ATF7: variants seen among roughly 807,000 people sequenced by gnomAD.
ATF7 encodes the protein activating transcription factor 7.
ATF7 carries 10 observed loss-of-function variants against 50.4 expected under a neutral mutation model. That is an observed-to-expected ratio of 0.20 (90% confidence interval 0.12 to 0.34). The LOEUF (loss-of-function observed/expected upper bound fraction) is 0.34. Ranked by LOEUF, ATF7 falls within the 10% of genes least tolerant of loss-of-function variation. ATF7 has a pLI of 1.00. For missense variants in ATF7, 465 were observed against 613.9 expected, an observed-to-expected ratio of 0.76 and a Z score of 2.56; for synonymous variants, 201 against 226.4, an observed-to-expected ratio of 0.89 and a Z score of 1.01.
chr12:53,582,008 C>T lies in ATF7; in HGVS notation c.48+18945G>A, dbSNP rs1008599418. ...TATGGTGGTGCTCAGGAGGCTGAGG[C>T]GGGAAAATCATTTGAACTGAGGAGT... On this transcript the variant is annotated intron_variant, in intron 2 of 11. Transcript: ENST00000420353. 1.1e-4 allele frequency among the ~76,000 whole-genome samples: 16 copies of T among 151,574 alleles called. No individual in the cohort carries two copies. In the East Asian group the frequency reaches 1.6e-3, roughly 15 times the overall value.
At chr12:53,539,211 T>C (rs992836395) in intron 4 of ATF7, among the ~76,000 whole-genome samples, 5 of 152,180 alleles carry the variant, frequency 3.3e-5, no homozygotes, top group Non-Finnish European at 7.4e-5. Context: ...TGAGCTAAAA[T>C]GGCAATGAAA....
chr12:53,616,868 C>G (rs1380432481), intron 1 of ATF7, among the ~76,000 whole-genome samples: 1 of 146,648 alleles, frequency 6.8e-6, no homozygotes, highest in Non-Finnish European at 1.5e-5. Context: ...CTGCTTGAAC[C>G]TGGGAGGCGG....
intron 3 of ATF7, among the ~76,000 whole-genome samples, chr12:53,546,196 A>AAAACAAACAAAC (rs148932395): frequency 7.9e-5 from 12 of 151,478 alleles, no homozygotes; most frequent in African/African-American, 2.7e-4. Flanking sequence ...CCATCTCAAA[A>AAAACAAACAAAC]AAACAAACAA....
At chr12:53,619,265 G>A (rs897775988) in intron 1 of ATF7, among the ~76,000 whole-genome samples, 1 of 150,766 alleles carries the variant, frequency 6.6e-6, no homozygotes, top group Non-Finnish European at 1.5e-5. Flanking sequence ...CCAGGTGGGC[G>A]CATCAACTGA....
Position 53,513,196 on chromosome 12 carries a change from C to G in ATF7, c.*3941G>C, listed in dbSNP as rs1178963024. 1.3e-5 allele frequency: 2 copies of G among 152,200 alleles called. No homozygotes were observed. The highest frequency in any genetic ancestry group is 4.8e-5 in the African/African-American group (2 of 41,442). The allele number at this position is 152,200 out of a possible 1,614,324, so 9.4% of individuals were successfully genotyped here. A position where few individuals can be genotyped will look rare whatever the true frequency, so the allele number is the denominator to read the frequency against. ...TTTAACCTGCCCTACTCTCCCCAGC[C>G]TTTTCTCATTCTGGGGTAGGACTTT... is the stretch of plus-strand genomic sequence containing the variant. On this transcript the variant is annotated 3_prime_UTR_variant, in exon 12 of 12. Transcript: ENST00000420353.
chr12:53,514,071 C>CT lies in ATF7; in HGVS notation c.*3065dup, dbSNP rs934718061. The CT allele has an allele frequency of 4.0e-5, 6 of 151,486 alleles. No individual in the cohort carries two copies. Among genetic ancestry groups the CT allele is most frequent in the Admixed American group, 1.3e-4 (2 of 15,192 alleles). 9.4% of individuals were successfully genotyped at this position (151,486 alleles called of 1,614,324 possible). A position where few individuals can be genotyped will look rare whatever the true frequency, so the allele number is the denominator to read the frequency against. On this transcript the variant is annotated 3_prime_UTR_variant, in exon 12 of 12. Transcript: ENST00000420353. Reference sequence around the variant, plus strand: ...AAAAGAGTAAGTAAAGGGGGCATGACTTTTTTTTTGTTGGCCTCTCTAGTA... The same window carrying CT: ...AAAAGAGTAAGTAAAGGGGGCATGACTTTTTTTTTTGTTGGCCTCTCTAGTA...
At chr12:53,616,835 C>T (rs1944144846) in intron 1 of ATF7, among the ~76,000 whole-genome samples, 4 of 150,814 alleles carry the variant, frequency 2.7e-5, no homozygotes, top group African/African-American at 7.3e-5. Context: ...ATCCCAGCTA[C>T]TCAGGAGGCT....
At chr12:53,520,838 C>T (rs1250311550) in intron 11 of ATF7, among the ~76,000 whole-genome samples, 2 of 152,108 alleles carry the variant, frequency 1.3e-5, no homozygotes, top group African/African-American at 4.8e-5. Flanking sequence ...CATCTGCTCT[C>T]ATCACTTTAA....
intron 2 of ATF7, among the ~76,000 whole-genome samples, chr12:53,566,942 T>C (rs1941476989): frequency 6.6e-6 from 1 of 152,116 alleles, no homozygotes; most frequent in Non-Finnish European, 1.5e-5. Context: ...TTAGTACAGA[T>C]GGGGTTTCAC....
At chr12:53,577,110 C>T (rs1942116497) in intron 2 of ATF7, among the ~76,000 whole-genome samples, 1 of 151,966 alleles carries the variant, frequency 6.6e-6, no homozygotes, top group African/African-American at 2.4e-5. Flanking sequence ...GTAGACTGGA[C>T]ATAGCTGAGC....
intron 2 of ATF7, among the ~76,000 whole-genome samples, chr12:53,566,034 C>T (rs2137591636): frequency 6.6e-6 from 1 of 152,240 alleles, no homozygotes; most frequent in East Asian, 1.9e-4. Flanking sequence ...GGGAACTCCC[C>T]TTTATAAAAC....
chr12:53,577,511 T>C (rs1013014529), intron 2 of ATF7, among the ~76,000 whole-genome samples: 1 of 151,318 alleles, frequency 6.6e-6, no homozygotes, highest in African/African-American at 2.4e-5. Flanking sequence ...GGTCAGGAGA[T>C]CGAGACCATC....
intron 2 of ATF7, among the ~76,000 whole-genome samples, chr12:53,553,686 C>T (rs182744139): frequency 9.8e-4 from 149 of 152,268 alleles, no homozygotes; most frequent in Non-Finnish European, 1.9e-3. Context: ...ACAGTAACAG[C>T]CCGGATGCTG....
chr12:53,577,585 G>C (rs957227320), intron 2 of ATF7, among the ~76,000 whole-genome samples: 2 of 151,672 alleles, frequency 1.3e-5, no homozygotes, highest in Admixed American at 1.3e-4. Flanking sequence ...GCGCAGTGGC[G>C]GGCGCCTGTA....
At chr12:53,527,468 G>A (rs893191006) in intron 9 of ATF7, among the ~76,000 whole-genome samples, 1 of 151,060 alleles carries the variant, frequency 6.6e-6, no homozygotes, top group African/African-American at 2.4e-5. Flanking sequence ...GGGCAACAGA[G>A]CAAGAACCTG....
chr12:53,529,617 C>G (rs1938721476), intron 9 of ATF7, among the ~76,000 whole-genome samples: 1 of 150,184 alleles, frequency 6.7e-6, no homozygotes. Flanking sequence ...AGCTACCGCA[C>G]CCGGCCCTCT....
chr12:53,599,848 T>C (rs1208900153), intron 2 of ATF7, among the ~76,000 whole-genome samples: 1 of 152,102 alleles, frequency 6.6e-6, no homozygotes, highest in Non-Finnish European at 1.5e-5. Flanking sequence ...TAAAACAAAT[T>C]AATGAAGGCA....
intron 1 of ATF7, among the ~76,000 whole-genome samples, chr12:53,611,966 A>AACAGC (rs1185462895): frequency 6.6e-6 from 1 of 151,926 alleles, no homozygotes; most frequent in Non-Finnish European, 1.5e-5. Flanking sequence ...ATTATAGGAA[A>AACAGC]ACAGCTGCAT....
chr12:53,534,393 G>A (rs1939097406), intron 6 of ATF7, 109 bp downstream of exon 6: 13 of 1,481,286 alleles, frequency 8.8e-6, no homozygotes, highest in Non-Finnish European at 1.2e-5. Context: ...GATAATCTCA[G>A]TGACTTATTT....
Sources: gnomAD v4.1 joint callset for allele counts (sites outside exome capture counted in the v4.1 genomes callset) on GRCh38, gnomAD v4.1.1 for gene constraint, MANE v1.5 for transcripts, NCBI Gene and HGNC (gene_info 2026-07-23, HGNC 2026-07-21) for gene names.